MGAT4C: variants seen among roughly 807,000 people sequenced by gnomAD.
MGAT4C encodes alpha-1,3-mannosyl-glycoprotein 4-beta-N-acetylglucosaminyltransferase C.
MGAT4C carries 19 observed loss-of-function variants against 40.1 expected under a neutral mutation model. The ratio of observed to expected loss-of-function variants is 0.47; its 90% CI spans 0.33 to 0.70. MGAT4C has a LOEUF of 0.70. Among genes scored for constraint, MGAT4C ranks in the 30% least tolerant of loss-of-function variants. The probability of loss-of-function intolerance (pLI) is 0.02; values close to 1 mark genes in which losing one functional copy is unlikely to be tolerated. For missense variants in MGAT4C, 491 were observed against 563.2 expected (o/e 0.87, Z 1.30); for synonymous variants, 181 against 187.1 (o/e 0.97, Z 0.27).
intron 1 of MGAT4C, among the ~76,000 whole-genome samples, chr12:86,069,507 G>A (rs1282316289): frequency 6.6e-6 from 1 of 152,148 alleles, no homozygotes; most frequent in Non-Finnish European, 1.5e-5. Flanking sequence ...AATATTCTAT[G>A]TATGGCACTA....
intron 1 of MGAT4C, among the ~76,000 whole-genome samples, chr12:86,187,779 C>T (rs1404735526): frequency 6.6e-6 from 1 of 151,660 alleles, no homozygotes; most frequent in Admixed American, 6.6e-5. Context: ...TTTTTCAGGG[C>T]TCTAGGCTTG....
rs751908017 is a variant in MGAT4C at position 86,129,544 on chromosome 12, C to CTTTTTT, written c.-56-79827_-56-79822dup. 3.5e-3 allele frequency among the ~76,000 whole-genome samples: 53 copies of CTTTTTT among 15,066 alleles called. 14 individuals carry two copies. Among genetic ancestry groups the CTTTTTT allele is most frequent in the African/African-American group, 6.8e-3 (11 of 1,614 alleles). 9.9% of individuals were successfully genotyped at this position (15,066 alleles called of 152,430 possible). A position where few individuals can be genotyped will look rare whatever the true frequency, so the allele number is the denominator to read the frequency against. Reference sequence around the variant, plus strand: ...ACAACTGAGTTTTTGCTTACACAATCTTTTTTTTTTTTTTTTTTTTTTTTT... The same window carrying CTTTTTT: ...ACAACTGAGTTTTTGCTTACACAATCTTTTTTTTTTTTTTTTTTTTTTTTTTTTTTT... On this transcript the variant is annotated intron_variant, in intron 1 of 4. Coordinates refer to ENST00000611864, the MANE Select transcript of MGAT4C (RefSeq NM_001351288.2).
chr12:86,098,854 G>T (rs768784652), intron 1 of MGAT4C, among the ~76,000 whole-genome samples: 35 of 151,546 alleles, frequency 2.3e-4, no homozygotes, highest in Non-Finnish European at 4.6e-4. Flanking sequence ...TTTCCCAAGT[G>T]AATAGCAATT....
At chr12:86,019,832 G>A (rs918126445) in intron 2 of MGAT4C, among the ~76,000 whole-genome samples, 1 of 152,112 alleles carries the variant, frequency 6.6e-6, no homozygotes, top group African/African-American at 2.4e-5. Context: ...AGCATGGAAT[G>A]TTCTTCCATT....
At position 86,485,210 on chromosome 12, in the gene MGAT4C, T is replaced by C. The variant is rs1958000139; in HGVS notation, c.-228-49945A>G. 2.0e-5 allele frequency among the ~76,000 whole-genome samples: 3 copies of C among 152,324 alleles called. No individual in the cohort carries two copies. The South Asian group carries it at 6.2e-4, about 32-fold the overall frequency. ...GTGTCCTCTTACTTCCAAATGAGTA[T>C]GCTAGTTCTCCAGCAATGTTTCTTA... On this transcript the variant is annotated intron_variant, in intron 2 of 7. Coordinates refer to the MGAT4C transcript ENST00000548651.
At chr12:86,128,603 A>T (rs1382638924) in intron 1 of MGAT4C, among the ~76,000 whole-genome samples, 1 of 152,168 alleles carries the variant, frequency 6.6e-6, no homozygotes, top group Admixed American at 6.5e-5. Flanking sequence ...ACTAATAGGC[A>T]TGACTATATA....
Position 86,506,436 on chromosome 12 carries a change from G to GTAAA in MGAT4C, c.-228-71175_-228-71172dup, listed in dbSNP as rs373110234. 3.3e-3 allele frequency among the ~76,000 whole-genome samples: 509 copies of GTAAA among 152,274 alleles called. 1 individual carries two copies. The highest frequency in any genetic ancestry group is 0.012 in the African/African-American group (492 of 41,566). The stretch of plus-strand genomic sequence containing the variant: ...ATTTCTGAAAGAGAATCTGACTGAA[G>GTAAA]TAAAGAATGTCCTGGGACCCACAGA... On this transcript the variant is annotated intron_variant, in intron 2 of 7. Coordinates refer to the MGAT4C transcript ENST00000548651.
chr12:86,767,879 A>C (rs905019935), intron 1 of MGAT4C, among the ~76,000 whole-genome samples: 2 of 152,164 alleles, frequency 1.3e-5, no homozygotes, highest in African/African-American at 2.4e-5. Flanking sequence ...AAATAATAAG[A>C]GCTATCTATG....
intron 1 of MGAT4C, among the ~76,000 whole-genome samples, chr12:86,236,206 T>C (rs553900918): frequency 6.6e-6 from 1 of 152,044 alleles, no homozygotes; most frequent in African/African-American, 2.4e-5. Context: ...AATTTAAAGG[T>C]AGAGCGTTTT....
At chr12:86,336,868 A>T (rs1954802155) in intron 3 of MGAT4C, among the ~76,000 whole-genome samples, 1 of 152,160 alleles carries the variant, frequency 6.6e-6, no homozygotes, top group Non-Finnish European at 1.5e-5. Context: ...CTTTTATTTT[A>T]ATCAATAGAT....
At chr12:86,403,051 T>C (rs565900326) in intron 3 of MGAT4C, among the ~76,000 whole-genome samples, 1 of 152,316 alleles carries the variant, frequency 6.6e-6, no homozygotes, top group African/African-American at 2.4e-5. Context: ...TTACTTTATA[T>C]TGGCCATGAC....
rs189235022 is a variant in MGAT4C, at chr12:85,965,890, A to G, written c.*13399T>C. The G allele has an allele frequency of 6.6e-6, 1 of 152,126 alleles. No homozygotes were observed. Among genetic ancestry groups the G allele is most frequent in the East Asian group, 1.9e-4 (1 of 5,198 alleles). 9.4% of individuals were successfully genotyped at this position (152,126 alleles called of 1,614,324 possible). On this transcript the variant is annotated 3_prime_UTR_variant, in exon 5 of 5. Coordinates refer to ENST00000611864, the MANE Select transcript of MGAT4C (RefSeq NM_001351288.2). ...TTAAAAGTGGACAAATTTTTATACT[A>G]TATCCTAATAATGATACAAGGTGAC...
intron 1 of MGAT4C, among the ~76,000 whole-genome samples, chr12:86,800,407 C>T (rs1180687539): frequency 6.6e-6 from 1 of 151,850 alleles, no homozygotes; most frequent in East Asian, 1.9e-4. Context: ...GACCTGCTTG[C>T]CTTCTCCATC....
chr12:86,028,084 C>T (rs978105282), intron 2 of MGAT4C: 3 of 1,259,694 alleles, frequency 2.4e-6, no homozygotes, highest in African/African-American at 3.1e-5. Context: ...CTTCCATCAA[C>T]TACCTTTTCT....
intron 1 of MGAT4C, among the ~76,000 whole-genome samples, chr12:86,759,002 G>T (rs1951353895): frequency 6.6e-6 from 1 of 151,914 alleles, no homozygotes; most frequent in African/African-American, 2.4e-5. Context: ...CTACCTAACT[G>T]TAGCTTTGCA....
At chr12:86,525,410 C>T (rs1958864123) in intron 2 of MGAT4C, among the ~76,000 whole-genome samples, 1 of 152,098 alleles carries the variant, frequency 6.6e-6, no homozygotes, top group South Asian at 2.1e-4. Flanking sequence ...AGTCTCAGGT[C>T]ATTCTTTATA....
At chr12:86,774,355 C>CTTTCTTTCTTTCTTTCTTTT (rs1212187906) in intron 1 of MGAT4C, among the ~76,000 whole-genome samples, 1 of 20,402 alleles carries the variant, frequency 4.9e-5, no homozygotes, top group African/African-American at 9.2e-5. Context: ...CTCTCTCTCC[C>CTTTCTTTCTTTCTTTCTTTT]CTCTCTCTCT....
intron 1 of MGAT4C, among the ~76,000 whole-genome samples, chr12:86,236,586 C>A (rs1951557783): frequency 2.6e-5 from 4 of 151,956 alleles, no homozygotes. Context: ...AAAGTTGCCA[C>A]TATTTAGGGT....
intron 2 of MGAT4C, among the ~76,000 whole-genome samples, chr12:86,683,851 T>C (rs1406008848): frequency 6.6e-6 from 1 of 152,166 alleles, no homozygotes; most frequent in East Asian, 1.9e-4. Context: ...ATATGCTGCC[T>C]TCCTTCTTGT....
Sources: gnomAD v4.1 joint callset for allele counts (sites outside exome capture counted in the v4.1 genomes callset) on GRCh38, gnomAD v4.1.1 for gene constraint, MANE v1.5 for transcripts, NCBI Gene and HGNC (gene_info 2026-07-23, HGNC 2026-07-21) for gene names.